GLI1: variants seen among roughly 807,000 people sequenced by gnomAD.
The protein encoded by GLI1 is transcription activator GLI1.
GLI1 carries 51 observed loss-of-function variants against 87.8 expected under a neutral mutation model. That is an observed-to-expected ratio of 0.58 (90% confidence interval 0.46 to 0.73). The LOEUF (loss-of-function observed/expected upper bound fraction) is 0.73. GLI1 is among the 30% of genes least tolerant of loss of function. The probability of loss-of-function intolerance (pLI) is 0.00; values close to 1 mark genes in which losing one functional copy is unlikely to be tolerated. For missense variants in GLI1, 1,292 were observed against 1,437.2 expected, an observed-to-expected ratio of 0.90 and a Z score of 1.63; for synonymous variants, 528 against 558.2, an observed-to-expected ratio of 0.95 and a Z score of 0.76.
chr12:57,464,738 CCT>C lies in GLI1; in HGVS notation c.262_263del (p.Leu88ValfsTer70). On this transcript the variant is annotated frameshift_variant, in exon 4 of 12. Transcript: ENST00000228682. LOFTEE classifies it high-confidence loss of function. ...CAAGAAGCGGGCACTGTCCATCTCA[CCT>C]CTGTCGGATGCCAGCCTGGACCTGC... ...LTKKRALSIS[P>X]LSDASLDLQT... 6.2e-7 allele frequency: 1 copy of C among 1,613,940 alleles called. No homozygotes were observed. Among genetic ancestry groups the C allele is most frequent in the Non-Finnish European group, 8.5e-7 (1 of 1,179,836 alleles).
chr12:57,470,912 C>A lies in GLI1; in HGVS notation c.2172C>A (p.Phe724Leu). 6.2e-7 allele frequency: 1 copy of A among 1,613,910 alleles called. No individual in the cohort carries two copies. Among genetic ancestry groups the A allele is most frequent in the Non-Finnish European group, 8.5e-7 (1 of 1,179,892 alleles). Reference protein sequence around the residue: ...VGSGLNPYMDFPPTDTLGYGG... With the variant: ...VGSGLNPYMDLPPTDTLGYGG... ...GTGGTCTGAACCCCTATATGGACTT[C>A]CCACCTACTGATACTCTGGGATATG... Residue 724 changes from phenylalanine (F) to leucine (L), a missense_variant, in exon 12 of 12, where the codon TTC (phenylalanine) becomes TTA (leucine). This residue lies in a region of GLI1 where 897 missense variants were observed against 1,040.7 expected (regional missense o/e 0.86). Transcript: ENST00000228682.
In GLI1 at chr12:57,471,292, AC is replaced by A. The variant is rs1462976482; in HGVS notation, c.2557del (p.Gln853SerfsTer93). 6.3e-7 allele frequency: 1 copy of A among 1,575,930 alleles called. No homozygotes were observed. The highest frequency in any genetic ancestry group is 8.6e-7 in the Non-Finnish European group (1 of 1,162,810). The part of the protein sequence containing the change: ...PPHPQPLFSH[Y>X]PQPSPPQYLQ... ...CATCCACAGCCTCTCTTTTCCCATT[AC>A]CCCCAGCCCTCTCCTCCCCAATATC... On this transcript the variant is annotated frameshift_variant, in exon 12 of 12. Coordinates refer to ENST00000228682, the MANE Select transcript of GLI1 (RefSeq NM_005269.3). LOFTEE classifies it high-confidence loss of function. This position sits in a 1 kb window ranked among gnomAD's most constrained non-coding sequence, Gnocchi z 4.9.
chr12:57,464,835 G>A lies in GLI1; in HGVS notation c.356G>A (p.Gly119Asp), dbSNP rs1243003218. The A allele has an allele frequency of 6.2e-7, 1 of 1,613,970 alleles. No homozygotes were observed. Among genetic ancestry groups the A allele is most frequent in the East Asian group, 2.2e-5 (1 of 44,886 alleles). ...AACTCGCGATGCACATCTCCAGGAGGCTCCTACGGTCATCTCTCCATTGGC... is the reference window on the plus strand; with the variant it reads ...AACTCGCGATGCACATCTCCAGGAGACTCCTACGGTCATCTCTCCATTGGC... ...FINSRCTSPG[G>D]SYGHLSIGTM... The change falls in exon 4 of 12, where the codon GGC becomes GAC. Residue 119 changes from glycine (G) to aspartate (D), a missense_variant. This residue lies in a region of GLI1 where 383 missense variants were observed against 368.4 expected (regional missense o/e 1.04). Transcript: ENST00000228682.
chr12:57,459,910 G>A lies in GLI1; in HGVS notation c.-319G>A, dbSNP rs1764347852. Among the ~76,000 whole-genome samples the A allele has an allele frequency of 6.6e-6, 1 of 152,132 alleles. No homozygotes were observed. The highest frequency in any genetic ancestry group is 2.4e-5 in the African/African-American group (1 of 41,426). On this transcript the variant is annotated 5_prime_UTR_variant, in exon 1 of 12. Transcript: ENST00000228682. ...CATCCTCCAGAACGGCAAGAGGGAG[G>A]GAAATAGAAGGGAGGTGAGGGGCGA...
intron 3 of GLI1, 40 bp from the exon 4 acceptor site, chr12:57,464,633 G>A (rs763589477): frequency 6.1e-6 from 9 of 1,472,620 alleles, no homozygotes; most frequent in Middle Eastern, 1.7e-4. Flanking sequence ...GGAGAGACAT[G>A]CCCCTTTACC....
intron 1 of GLI1, among the ~76,000 whole-genome samples, chr12:57,462,084 C>CT (rs933571084): frequency 3.3e-5 from 5 of 152,112 alleles, no homozygotes; most frequent in Admixed American, 2.0e-4. Flanking sequence ...AGAAAGATGA[C>CT]TGAGTAGGCA....
intron 2 of GLI1, 37 bp downstream of exon 2, chr12:57,463,828 TG>T: frequency 7.5e-7 from 1 of 1,330,908 alleles, no homozygotes. Flanking sequence ...CTTGAGGATT[TG>T]GCAGATCTCC....
At chr12:57,464,233 A>T in intron 3 of GLI1, 142 bp downstream of exon 3, 2 of 682,762 alleles carry the variant, frequency 2.9e-6, no homozygotes, top group Non-Finnish European at 2.6e-6. Context: ...GAAGTCACAG[A>T]TGGGGCCGGG....
Position 57,460,148 on chromosome 12 carries a change from CA to C in GLI1, c.-80del, listed in dbSNP as rs1357756461. 1 of 152,188 alleles carries C rather than the reference CA, an allele frequency of 6.6e-6. No homozygotes were observed. The highest frequency in any genetic ancestry group is 1.5e-5 in the Non-Finnish European group (1 of 68,306). The allele number at this position is 152,188 out of a possible 1,614,324, so 9.4% of individuals were successfully genotyped here. On this transcript the variant is annotated 5_prime_UTR_variant, in exon 1 of 12. Coordinates refer to ENST00000228682, the MANE Select transcript of GLI1 (RefSeq NM_005269.3). ...CCCCCCCTCCCCACCGCACACCCCC[CA>C]GCCCAGACTCCAGCCCTGGACCGCG... is the stretch of plus-strand genomic sequence containing the variant.
rs1172618277 is a variant in GLI1 at position 57,468,186 on chromosome 12, A to T, written c.1270A>T (p.Arg424Trp). Reference protein sequence around the residue: ...PKREREGGPIREESRLTVPEG... With the variant: ...PKREREGGPIWEESRLTVPEG... ...GAGGGAGCGGGAAGGAGGTCCCATC[A>T]GGGAGGAAAGCAGACTGACTGTGCC... The change falls in exon 10 of 12, where the codon AGG (arginine) becomes TGG (tryptophan). Residue 424 changes from arginine (R) to tryptophan (W), a missense_variant. By Grantham distance (101) the Arg-to-Trp change is moderately radical. Coordinates refer to ENST00000228682, the MANE Select transcript of GLI1 (RefSeq NM_005269.3). 6.2e-7 allele frequency: 1 copy of T among 1,614,120 alleles called. No homozygotes were observed. The highest frequency in any genetic ancestry group is 8.5e-7 in the Non-Finnish European group (1 of 1,179,948).
Position 57,466,355 on chromosome 12 carries a change from G to A in GLI1, c.878G>A (p.Arg293His), listed in dbSNP as rs2139856676. 4 of 1,613,812 alleles carry A rather than the reference G, an allele frequency of 2.5e-6. No individual in the cohort carries two copies. The highest frequency in any genetic ancestry group is 1.7e-6 in the Non-Finnish European group (2 of 1,179,844). ...CAGTACATGCTGGTGGTTCACATGC[G>A]CAGACACACTGGCGAGAAGCCACAC... ...KAQYMLVVHM[R>H]RHTGEKPHKC... The change falls in exon 8 of 12, where the codon CGC (arginine) becomes CAC (histidine). Residue 293 changes from arginine (R) to histidine (H), a missense_variant. By Grantham distance (29) the Arg-to-His change is conservative. Transcript: ENST00000228682.
rs3782124 is a variant in GLI1 at position 57,464,656 on chromosome 12, G to T, written c.194-17G>T. On this transcript the variant is annotated splice_polypyrimidine_tract_variant and intron_variant, in intron 3 of 11. Coordinates refer to ENST00000228682, the MANE Select transcript of GLI1 (RefSeq NM_005269.3). ...ATGCCCCTTTACCATATCCGTCTCC[G>T]CTGTCTCCTGCCCCAGGCCCACTCT... 1,864 of 1,604,880 alleles carry T rather than the reference G, an allele frequency of 1.2e-3. 32 individuals carry two copies. The East Asian group carries it at 0.033, about 29-fold the overall frequency.
rs1344298200 is a variant in GLI1, at chr12:57,470,375, C to G, written c.1635C>G (p.Ser545Arg). The stretch of plus-strand genomic sequence containing the variant: ...TCTCTCTTGAACGCCGCAGCAGCAG[C>G]TCCAGCAGCATCAGCTCTGCCTATA... ...PPVSLERRSS[S>R]SSSISSAYTV... The change falls in exon 12 of 12, where the codon AGC (serine) becomes AGG (arginine). Residue 545 changes from serine to arginine, a missense_variant. By Grantham distance (110) the Ser-to-Arg change is moderately radical. Transcript: ENST00000228682. 2 of 1,611,648 alleles carry G rather than the reference C, an allele frequency of 1.2e-6. No homozygotes were observed. Among genetic ancestry groups the G allele is most frequent in the Non-Finnish European group, 1.7e-6 (2 of 1,178,570 alleles).
chr12:57,471,181 T>C lies in GLI1; in HGVS notation c.2441T>C (p.Val814Ala). ...PRLEHYGQVQ[V>A]KPEQGCPVGS... is the part of the protein sequence containing the mutation. ...CTTGAACATTATGGACAAGTGCAAG[T>C]CAAGCCAGAACAGGGGTGCCCAGTG... The change falls in exon 12 of 12, where the codon GTC (valine) becomes GCC (alanine). Residue 814 changes from valine (V) to alanine (A), a missense_variant. By Grantham distance (64) the Val-to-Ala change is moderately conservative (BLOSUM62 0). This residue lies in a region of GLI1 where 897 missense variants were observed against 1,040.7 expected (regional missense o/e 0.86). Transcript: ENST00000228682. This position sits in a 1 kb window ranked among gnomAD's most constrained non-coding sequence, Gnocchi z 4.9. 2 of 1,603,460 alleles carry C rather than the reference T, an allele frequency of 1.2e-6. No individual in the cohort carries two copies. Among genetic ancestry groups the C allele is most frequent in the Non-Finnish European group, 1.7e-6 (2 of 1,174,660 alleles).
intron 7 of GLI1, 153 bp from the exon 8 acceptor site, chr12:57,466,087 C>A (rs1871461044): frequency 1.9e-6 from 2 of 1,046,826 alleles, no homozygotes; most frequent in African/African-American, 1.6e-5. Context: ...CCTTAGGGAG[C>A]TGGAAGACCT....
intron 9 of GLI1, 56 bp downstream of exon 9, chr12:57,467,553 T>C: frequency 7.0e-7 from 1 of 1,422,114 alleles, no homozygotes. Flanking sequence ...ACCAGGGAGA[T>C]TCCCCCATAA....
In GLI1 at chr12:57,471,930, T is replaced by C. The variant is rs1237502199; in HGVS notation, c.3190T>C (p.Ser1064Pro). The C allele has an allele frequency of 1.2e-6, 2 of 1,611,992 alleles. No individual in the cohort carries two copies. Among genetic ancestry groups the C allele is most frequent in the African/African-American group, 2.7e-5 (2 of 74,788 alleles). Residue 1064 changes from serine (S) to proline (P), a missense_variant, in exon 12 of 12, where the codon TCC becomes CCC. Ser to Pro is a moderately conservative substitution (Grantham distance 74). Transcript: ENST00000228682. This position sits in a 1 kb window ranked among gnomAD's most constrained non-coding sequence, Gnocchi z 4.9. ...GCCCCAGGGGCTGAGTCCTCCTCCT[T>C]CCCATGATCAGCGGGGCAGCTCTGG... ...DEPQGLSPPP[S>P]HDQRGSSGHT...
Position 57,470,723 on chromosome 12 carries a change from C to T in GLI1, c.1983C>T (p.Gly661=). The T allele has an allele frequency of 6.2e-7, 1 of 1,612,550 alleles. No individual in the cohort carries two copies. The highest frequency in any genetic ancestry group is 8.5e-7 in the Non-Finnish European group (1 of 1,179,314). The part of the protein sequence containing the change: ...PARVQRFKSL[G]CVHTPPTVAG... ...GAGTCCAGAGGTTCAAGAGCCTGGG[C>T]TGTGTCCATACCCCACCCACTGTGG... Residue 661 remains glycine, a synonymous_variant, in exon 12 of 12, where the codon GGC becomes GGT. Transcript: ENST00000228682.
rs1415181482 is a variant in GLI1, at chr12:57,470,824, A to ATGC, written c.2088_2090dup (p.Ala697dup). The stretch of plus-strand genomic sequence containing the variant: ...CCACAGCCCCCCAGCATCACTGAGA[A>ATGC]TGCTGCCATGGATGCTAGAGGGCTA... On this transcript the variant is annotated inframe_insertion, in exon 12 of 12. Transcript: ENST00000228682. The ATGC allele has an allele frequency of 6.2e-7, 1 of 1,610,186 alleles. No individual in the cohort carries two copies. Among genetic ancestry groups the ATGC allele is most frequent in the African/African-American group, 1.3e-5 (1 of 74,870 alleles).
Sources: allele counts gnomAD v4.1 joint callset (sites outside exome capture counted in the v4.1 genomes callset), GRCh38; gene constraint gnomAD v4.1.1; regional missense constraint gnomAD v4.1.1; non-coding constraint Gnocchi (gnomAD v3.1); transcripts MANE v1.5; gene names NCBI Gene and HGNC (gene_info 2026-07-23, HGNC 2026-07-21).